Variants in PTPRT observed in about 807,000 individuals in gnomAD.
The protein encoded by PTPRT is receptor-type tyrosine-protein phosphatase T.
In PTPRT, 56 loss-of-function variants were observed where a neutral mutation model predicts 176.8. The observed-to-expected ratio is 0.32, with a 90% CI of 0.26 to 0.40. The LOEUF (loss-of-function observed/expected upper bound fraction) is 0.40. PTPRT is among the 10% of genes least tolerant of loss of function. PTPRT has a pLI of 1.00. For synonymous variants in PTPRT, 783 were observed against 739.0 expected (o/e 1.06, Z -0.96); for missense variants, 1,540 against 1,908.2 (o/e 0.81, Z 3.60).
At chr20:42,905,394 C>G (rs143536171) in intron 1 of PTPRT, among the ~76,000 whole-genome samples, 1 of 152,198 alleles carries the variant, frequency 6.6e-6, no homozygotes, top group African/African-American at 2.4e-5. Flanking sequence ...TTAGAATGGC[C>G]ATCATTAAAA....
At chr20:42,100,920 C>G (rs1985870757) in intron 26 of PTPRT, among the ~76,000 whole-genome samples, 1 of 152,196 alleles carries the variant, frequency 6.6e-6, no homozygotes, top group African/African-American at 2.4e-5. Flanking sequence ...AGGGCAGGCC[C>G]CTAGAGAGCT....
intron 9 of PTPRT, among the ~76,000 whole-genome samples, chr20:42,395,107 C>T (rs1464155986): frequency 6.6e-6 from 1 of 152,158 alleles, no homozygotes; most frequent in Non-Finnish European, 1.5e-5. Context: ...CTTGGTATTT[C>T]CTGGTGATCC....
intron 6 of PTPRT, among the ~76,000 whole-genome samples, chr20:42,708,864 TC>T (rs2146192315): frequency 6.6e-6 from 1 of 152,312 alleles, no homozygotes; most frequent in South Asian, 2.1e-4. Context: ...CATGCCTACC[TC>T]CATAGGAATG....
chr20:42,406,067 C>T (rs561086323), intron 9 of PTPRT, among the ~76,000 whole-genome samples: 26 of 151,876 alleles, frequency 1.7e-4, no homozygotes, highest in Non-Finnish European at 3.1e-4. Flanking sequence ...TGCCAAAACA[C>T]GTGGAGGCAG....
chr20:42,342,285 AC>A lies in PTPRT; in HGVS notation c.1865+8342del, dbSNP rs553927228. 2.9e-4 allele frequency among the ~76,000 whole-genome samples: 44 copies of A among 152,232 alleles called. No homozygotes were observed. In the South Asian group the frequency reaches 8.9e-3, roughly 31 times the overall value. ...CATCCCTTATTCTTTATTTCTGGTT[AC>A]CTCTTCATATATCTGGCTTCTCCTA... On this transcript the variant is annotated intron_variant, in intron 11 of 30. Coordinates refer to ENST00000373187, the MANE Select transcript of PTPRT (RefSeq NM_007050.6).
At chr20:43,128,045 C>T (rs369754280) in intron 1 of PTPRT, among the ~76,000 whole-genome samples, 4 of 152,232 alleles carry the variant, frequency 2.6e-5, no homozygotes, top group African/African-American at 4.8e-5. Flanking sequence ...TCCATAGTAG[C>T]GGTTATGGCT....
intron 1 of PTPRT, among the ~76,000 whole-genome samples, chr20:43,067,192 A>G (rs1299194287): frequency 6.6e-6 from 1 of 151,622 alleles, no homozygotes; most frequent in Non-Finnish European, 1.5e-5. Context: ...AGCCTTGAAA[A>G]TTATGCTAAG....
At chr20:42,527,131 T>C (rs1471600757) in intron 7 of PTPRT, among the ~76,000 whole-genome samples, 1 of 151,828 alleles carries the variant, frequency 6.6e-6, no homozygotes, top group Admixed American at 6.6e-5. Context: ...GTCCAGCTAA[T>C]TTTTTGTATT....
chr20:42,430,322 C>A (rs1182662978), intron 9 of PTPRT, among the ~76,000 whole-genome samples: 1 of 152,184 alleles, frequency 6.6e-6, no homozygotes, highest in Non-Finnish European at 1.5e-5. Context: ...AAATGCTTGG[C>A]CTGCAGACAA....
chr20:43,158,979 C>A (rs148706655), intron 1 of PTPRT, among the ~76,000 whole-genome samples: 1 of 152,104 alleles, frequency 6.6e-6, no homozygotes. Flanking sequence ...TGTTTTGTTG[C>A]CATTATTATT....
chr20:42,491,076 C>T lies in PTPRT; in HGVS notation c.1154-18514G>A, dbSNP rs141956130. On this transcript the variant is annotated intron_variant, in intron 7 of 30. Transcript: ENST00000373187. ...AGCATATTTAAAGTAGTGAATTGCA[C>T]GAACATTGAAAAAAAACTTGCTCCT... is the stretch of plus-strand genomic sequence containing the variant. Among the ~76,000 whole-genome samples, 216 of 151,898 alleles carry T rather than the reference C, an allele frequency of 1.4e-3. 1 individual carries two copies. The highest frequency in any genetic ancestry group is 2.3e-3 in the Non-Finnish European group (158 of 67,964).
At chr20:42,255,995 C>T (rs1034111621) in intron 13 of PTPRT, among the ~76,000 whole-genome samples, 3 of 152,194 alleles carry the variant, frequency 2.0e-5, no homozygotes, top group Non-Finnish European at 1.5e-5. Flanking sequence ...CCCCAGTCTA[C>T]TGAATGGCTT....
intron 1 of PTPRT, among the ~76,000 whole-genome samples, chr20:43,121,598 T>C (rs937726086): frequency 6.6e-6 from 1 of 152,234 alleles, no homozygotes; most frequent in Non-Finnish European, 1.5e-5. Flanking sequence ...ATATGCTTAG[T>C]GTCCATTTGA....
At chr20:42,326,900 G>C (rs1268634032) in intron 11 of PTPRT, among the ~76,000 whole-genome samples, 1 of 151,028 alleles carries the variant, frequency 6.6e-6, no homozygotes, top group Non-Finnish European at 1.5e-5. Context: ...GCCATAATTT[G>C]ACAATTCCAG....
intron 6 of PTPRT, among the ~76,000 whole-genome samples, chr20:42,722,245 C>T (rs1329908103): frequency 6.6e-6 from 1 of 152,118 alleles, no homozygotes; most frequent in Non-Finnish European, 1.5e-5. Context: ...TTTCAAACTC[C>T]AAGGTGATGC....
chr20:42,826,720 T>C (rs1394513494), intron 2 of PTPRT, among the ~76,000 whole-genome samples: 1 of 152,174 alleles, frequency 6.6e-6, no homozygotes, highest in Non-Finnish European at 1.5e-5. Context: ...TAACTTTGAA[T>C]GTAAATGGGC....
chr20:43,115,587 A>G (rs2013028891), intron 1 of PTPRT, among the ~76,000 whole-genome samples: 2 of 152,162 alleles, frequency 1.3e-5, no homozygotes, highest in Non-Finnish European at 2.9e-5. Flanking sequence ...GAAAAGTATT[A>G]CCAGCATCTA....
At chr20:42,471,999 G>A (rs755278526) in intron 8 of PTPRT, among the ~76,000 whole-genome samples, 1 of 152,090 alleles carries the variant, frequency 6.6e-6, no homozygotes, top group South Asian at 2.1e-4. Flanking sequence ...CTAATACACT[G>A]GTATAAAGCA....
At chr20:42,626,677 C>T (rs17810209) in intron 7 of PTPRT, among the ~76,000 whole-genome samples, 17,417 of 152,170 alleles carry the variant, frequency 0.11, 1,093 homozygotes, top group South Asian at 0.15. Flanking sequence ...TGAGCCAGCT[C>T]GGAGAAACGG....
Sources: gnomAD v4.1 joint callset for allele counts (sites outside exome capture counted in the v4.1 genomes callset) on GRCh38, gnomAD v4.1.1 for gene constraint, MANE v1.5 for transcripts, NCBI Gene and HGNC (gene_info 2026-07-23, HGNC 2026-07-21) for gene names.